CDYL: variants seen among roughly 807,000 people sequenced by gnomAD.
CDYL encodes the protein chromodomain Y-like protein.
CDYL carries 8 observed loss-of-function variants against 47.3 expected under a neutral mutation model. That is an observed-to-expected ratio of 0.17 (90% CI 0.10 to 0.31). The LOEUF (loss-of-function observed/expected upper bound fraction) is 0.31, where lower values mean the gene tolerates loss of function less well. CDYL is among the 10% of genes least tolerant of loss of function. The pLI is 1.00. For synonymous variants in CDYL, 266 were observed against 265.0 expected, an observed-to-expected ratio of 1.00 and a Z score of -0.04; for missense variants, 471 against 701.4, an observed-to-expected ratio of 0.67 and a Z score of 3.71.
intron 3 of CDYL, among the ~76,000 whole-genome samples, chr6:4,770,532 G>A (rs1309766156): frequency 6.6e-6 from 1 of 152,036 alleles, no homozygotes; most frequent in African/African-American, 2.4e-5. Context: ...TCTTGTTTGT[G>A]TTTATTTATT....
At chr6:4,953,465 A>G (rs1167196702) in intron 6 of CDYL, among the ~76,000 whole-genome samples, 1 of 152,186 alleles carries the variant, frequency 6.6e-6, no homozygotes. Context: ...TGTGAAATGT[A>G]TAATATTAAC....
chr6:4,799,413 C>T (rs11967994), intron 1 of CDYL, among the ~76,000 whole-genome samples: 22,984 of 151,904 alleles, frequency 0.15, 1,922 homozygotes, highest in African/African-American at 0.22. Context: ...ACCAGCTAAA[C>T]TACAGTTGGT....
At chr6:4,871,274 G>A (rs190770470) in intron 1 of CDYL, among the ~76,000 whole-genome samples, 108 of 152,236 alleles carry the variant, frequency 7.1e-4, no homozygotes, top group African/African-American at 2.6e-3. Flanking sequence ...CAGGGATTGT[G>A]GACAAACATC....
At chr6:4,909,428 G>A (rs1245329634) in intron 2 of CDYL, among the ~76,000 whole-genome samples, 1 of 152,080 alleles carries the variant, frequency 6.6e-6, no homozygotes, top group Non-Finnish European at 1.5e-5. Context: ...CCTTGTCCAA[G>A]CAATTGACAT....
chr6:4,834,517 C>T (rs1471382394), intron 1 of CDYL, among the ~76,000 whole-genome samples: 2 of 149,736 alleles, frequency 1.3e-5, no homozygotes, highest in Admixed American at 1.3e-4. Context: ...TTTTTTCCTT[C>T]ATTTCAACTT....
intron 1 of CDYL, among the ~76,000 whole-genome samples, chr6:4,875,305 C>G (rs1180588885): frequency 6.6e-6 from 1 of 152,066 alleles, no homozygotes; most frequent in African/African-American, 2.4e-5. Flanking sequence ...TATACATTTG[C>G]TGTATAAATG....
chr6:4,914,961 G>T (rs1757514735), intron 2 of CDYL, among the ~76,000 whole-genome samples: 1 of 152,216 alleles, frequency 6.6e-6, no homozygotes, highest in African/African-American at 2.4e-5. Flanking sequence ...AGCCTAGGAG[G>T]TCGGGCACGT....
chr6:4,892,511 C>A (rs962751824), intron 2 of CDYL, 132 bp downstream of exon 2: 1 of 946,240 alleles, frequency 1.1e-6, no homozygotes, highest in East Asian at 2.6e-5. Context: ...GCAGAGATTT[C>A]GCCTTCTCCT....
intron 1 of CDYL, among the ~76,000 whole-genome samples, chr6:4,864,777 A>G (rs958289074): frequency 6.6e-6 from 1 of 152,220 alleles, no homozygotes. Flanking sequence ...CTCCCTAGGC[A>G]TGTGGAACTG....
chr6:4,757,029 C>T (rs1758085554), intron 3 of CDYL, among the ~76,000 whole-genome samples: 1 of 152,110 alleles, frequency 6.6e-6, no homozygotes, highest in South Asian at 2.1e-4. Flanking sequence ...CTTGTGTGAG[C>T]ATAAGTGATT....
intron 2 of CDYL, among the ~76,000 whole-genome samples, chr6:4,733,848 CTTCT>C (rs1264030415): frequency 5.9e-4 from 38 of 64,182 alleles, no homozygotes; most frequent in Admixed American, 1.8e-3. Flanking sequence ...TTCTTTTCTT[CTTCT>C]TTTTTTTTTT....
intron 3 of CDYL, among the ~76,000 whole-genome samples, chr6:4,741,596 A>G (rs1757797980): frequency 6.6e-6 from 1 of 152,170 alleles, no homozygotes; most frequent in Non-Finnish European, 1.5e-5. Context: ...AGGGAAGGGC[A>G]TGGTTCTACT....
At chr6:4,877,400 C>CT (rs1377750956) in intron 1 of CDYL, among the ~76,000 whole-genome samples, 1 of 152,004 alleles carries the variant, frequency 6.6e-6, no homozygotes. Context: ...ACCTGAGGAA[C>CT]TTTTGCCTTC....
intron 2 of CDYL, among the ~76,000 whole-genome samples, chr6:4,893,575 C>T (rs1442251780): frequency 6.6e-6 from 1 of 152,114 alleles, no homozygotes; most frequent in Non-Finnish European, 1.5e-5. Flanking sequence ...CACCTGTAAT[C>T]CCGGCTGCTC....
chr6:4,902,236 T>TA (rs60097630), intron 2 of CDYL, among the ~76,000 whole-genome samples: 5,289 of 141,366 alleles, frequency 0.037, 172 homozygotes, highest in African/African-American at 0.089. Context: ...CTGTCTCTAC[T>TA]AAAAAAAAAA....
At chr6:4,740,136 T>C (rs1352177364) in intron 3 of CDYL, among the ~76,000 whole-genome samples, 1 of 152,198 alleles carries the variant, frequency 6.6e-6, no homozygotes, top group East Asian at 1.9e-4. Flanking sequence ...CTTGCTAAAT[T>C]ATAGCTATCC....
chr6:4,893,034 G>C (rs1208013493), intron 2 of CDYL, among the ~76,000 whole-genome samples: 1 of 152,214 alleles, frequency 6.6e-6, no homozygotes, highest in East Asian at 1.9e-4. Flanking sequence ...AGCACAACTG[G>C]GAGTTCACAT....
chr6:4,750,880 T>G (rs1254463052), intron 3 of CDYL, among the ~76,000 whole-genome samples: 1 of 149,512 alleles, frequency 6.7e-6, no homozygotes, highest in African/African-American at 2.5e-5. Context: ...TAAGATGGAG[T>G]CTTGCTCTGT....
chr6:4,950,119 C>T lies in CDYL; in HGVS notation c.1333-2147C>T, dbSNP rs1423795336. On this transcript the variant is annotated intron_variant, in intron 5 of 6. Transcript: ENST00000397588. ...CCCAAGAGAGTCAACAAAGGGGGGACGAAAGGGAGACAGGGAAGAGAACAG... is the reference window on the plus strand; with the variant it reads ...CCCAAGAGAGTCAACAAAGGGGGGATGAAAGGGAGACAGGGAAGAGAACAG... Among the ~76,000 whole-genome samples the T allele has an allele frequency of 2.0e-5, 3 of 151,898 alleles. No individual in the cohort carries two copies. The East Asian group carries it at 5.8e-4, about 29-fold the overall frequency.
Sources: gnomAD v4.1 joint callset for allele counts (sites outside exome capture counted in the v4.1 genomes callset) on GRCh38, gnomAD v4.1.1 for gene constraint, MANE v1.5 for transcripts, NCBI Gene and HGNC (gene_info 2026-07-23, HGNC 2026-07-21) for gene names.